PITPNC1: variants seen among roughly 807,000 people sequenced by gnomAD.
The protein encoded by PITPNC1 is cytoplasmic phosphatidylinositol transfer protein 1.
In PITPNC1, 18 loss-of-function variants were observed where a neutral mutation model predicts 44.7. The observed-to-expected ratio is 0.40, with a 90% CI of 0.28 to 0.60. The LOEUF (loss-of-function observed/expected upper bound fraction) is 0.60. PITPNC1 is among the 20% of genes least tolerant of loss of function. The pLI is 0.39. For missense variants in PITPNC1, 290 were observed against 418.4 expected, an observed-to-expected ratio of 0.69 and a Z score of 2.68; for synonymous variants, 141 against 149.6, an observed-to-expected ratio of 0.94 and a Z score of 0.42.
rs1317011555 is a variant in PITPNC1, at chr17:67,495,077, G to C, written c.49-37725G>C. Among the ~76,000 whole-genome samples, 81 of 33,810 alleles carry C rather than the reference G, an allele frequency of 2.4e-3. 2 individuals carry two copies. The highest frequency in any genetic ancestry group is 7.5e-3 in the African/African-American group (76 of 10,186). 22.2% of individuals were successfully genotyped at this position (33,810 alleles called of 152,430 possible). ...GTTTTTTTTTTTTTTTTTTTTTTGA[G>C]ACGGAGTCTGGCTCTGTCGCCCAGG... On this transcript the variant is annotated intron_variant, in intron 1 of 8. Transcript: ENST00000581322.
intron 5 of PITPNC1, among the ~76,000 whole-genome samples, chr17:67,603,966 T>C (rs2041575953): frequency 6.6e-6 from 1 of 151,002 alleles, no homozygotes. Context: ...AAACTGTACA[T>C]GGAGTCAGCT....
At chr17:67,652,311 T>G (rs11657492) in intron 6 of PITPNC1, among the ~76,000 whole-genome samples, 15,787 of 152,164 alleles carry the variant, frequency 0.1, 871 homozygotes, top group Middle Eastern at 0.17. Flanking sequence ...GGGAGACTGA[T>G]TCTATCCAAA....
At chr17:67,669,875 C>T (rs369486049) in intron 7 of PITPNC1, among the ~76,000 whole-genome samples, 6 of 151,992 alleles carry the variant, frequency 3.9e-5, no homozygotes, top group Non-Finnish European at 5.9e-5. Flanking sequence ...AGTTCAAGAC[C>T]GGCCTGGCCA....
intron 1 of PITPNC1, among the ~76,000 whole-genome samples, chr17:67,475,990 G>T (rs2144016996): frequency 6.6e-6 from 1 of 152,188 alleles, no homozygotes; most frequent in Middle Eastern, 3.4e-3. Flanking sequence ...TGTGGAATTT[G>T]ATATTGAGGG....
In PITPNC1 at chr17:67,380,029, T is replaced by C. The variant is rs567954407; in HGVS notation, c.48+1827T>C. ...GTGGGGTAATTACATTTGAATGATA[T>C]AGGTGGAGGCCCTTCCTTCCTTCCT... On this transcript the variant is annotated intron_variant, in intron 1 of 8. Transcript: ENST00000581322. 4.8e-4 allele frequency among the ~76,000 whole-genome samples: 73 copies of C among 152,118 alleles called. No homozygotes were observed. In the South Asian group the frequency reaches 8.7e-3, roughly 18 times the overall value.
intron 1 of PITPNC1, among the ~76,000 whole-genome samples, chr17:67,484,110 G>T (rs2039742368): frequency 6.6e-6 from 1 of 151,956 alleles, no homozygotes; most frequent in Admixed American, 6.6e-5. Flanking sequence ...TAGAGACGGG[G>T]TTTCTCCATG....
intron 1 of PITPNC1, chr17:67,379,412 C>T (rs2037924308): frequency 2.0e-6 from 2 of 978,832 alleles, no homozygotes; most frequent in Admixed American, 6.2e-5. Flanking sequence ...AAGTACAATC[C>T]AAGACAAGAT....
chr17:67,513,478 T>TGC (rs71923148), intron 1 of PITPNC1, among the ~76,000 whole-genome samples: 4 of 48,856 alleles, frequency 8.2e-5, no homozygotes, highest in Non-Finnish European at 1.1e-4. Flanking sequence ...TTTTACTATA[T>TGC]GTGTGTGTGT....
At chr17:67,469,807 G>A (rs772165504) in intron 1 of PITPNC1, among the ~76,000 whole-genome samples, 1 of 152,114 alleles carries the variant, frequency 6.6e-6, no homozygotes, top group African/African-American at 2.4e-5. Context: ...AAATTCAAGT[G>A]CCATAGCTAT....
chr17:67,555,007 T>C (rs952030075), intron 4 of PITPNC1, among the ~76,000 whole-genome samples: 11 of 152,240 alleles, frequency 7.2e-5, no homozygotes, highest in African/African-American at 2.7e-4. Flanking sequence ...TACTCGGATA[T>C]TAAAATATCT....
At chr17:67,405,612 T>TC (rs1353318980) in intron 1 of PITPNC1, among the ~76,000 whole-genome samples, 2 of 150,544 alleles carry the variant, frequency 1.3e-5, no homozygotes, top group East Asian at 1.9e-4. Context: ...TTTCTTTCTT[T>TC]TTTTTTTTTT....
intron 1 of PITPNC1, among the ~76,000 whole-genome samples, chr17:67,468,678 C>T (rs1231372996): frequency 2.0e-5 from 3 of 150,654 alleles, no homozygotes; most frequent in Non-Finnish European, 3.0e-5. Flanking sequence ...GCTGGGATTA[C>T]AGGTGTGAAC....
At chr17:67,462,698 ATTTTTTTTTTT>A (rs34015766) in intron 1 of PITPNC1, among the ~76,000 whole-genome samples, 1 of 122,340 alleles carries the variant, frequency 8.2e-6, no homozygotes, top group Non-Finnish European at 1.7e-5. Flanking sequence ...CACAATTGGA[ATTTTTTTTTTT>A]TTTTTTTTTT....
intron 1 of PITPNC1, among the ~76,000 whole-genome samples, chr17:67,495,048 T>TTTG (rs1568013493): frequency 1.1e-4 from 7 of 62,778 alleles, no homozygotes; most frequent in African/African-American, 4.6e-4. Flanking sequence ...TTGTTTTTTT[T>TTTG]TTTGTTTTTT....
rs1001892935 is a variant in PITPNC1 at position 67,487,032 on chromosome 17, A to G, written c.49-45770A>G. ...TGGGCAACAGAGCAAGACTCTGTCT[A>G]AAAAAAAAAGAGTACTGTGGAATTC... On this transcript the variant is annotated intron_variant, in intron 1 of 8. Transcript: ENST00000581322. Among the ~76,000 whole-genome samples the G allele has an allele frequency of 2.7e-5, 4 of 148,068 alleles. No individual in the cohort carries two copies. The East Asian group carries it at 5.9e-4, about 22-fold the overall frequency.
chr17:67,393,820 G>A (rs998406634), intron 1 of PITPNC1, among the ~76,000 whole-genome samples: 4 of 152,154 alleles, frequency 2.6e-5, no homozygotes, highest in African/African-American at 9.7e-5. Flanking sequence ...TTCTGAGTAA[G>A]GAAGACCAGT....
intron 1 of PITPNC1, among the ~76,000 whole-genome samples, chr17:67,422,149 G>T (rs922460122): frequency 6.6e-6 from 1 of 152,138 alleles, no homozygotes; most frequent in Non-Finnish European, 1.5e-5. Context: ...GCCAACATAC[G>T]CTTCCAATGA....
intron 1 of PITPNC1, among the ~76,000 whole-genome samples, chr17:67,513,784 G>C (rs191901204): frequency 3.2e-4 from 48 of 152,244 alleles, no homozygotes; most frequent in Admixed American, 2.8e-3. Context: ...TCATTTAACT[G>C]TGAAGCTCTT....
chr17:67,605,919 G>A (rs934167814), intron 5 of PITPNC1, among the ~76,000 whole-genome samples: 3 of 152,218 alleles, frequency 2.0e-5, no homozygotes, highest in African/African-American at 7.2e-5. Context: ...TCAGTTTGCA[G>A]ATGAGGGAAC....
Sources: allele counts gnomAD v4.1 joint callset (sites outside exome capture counted in the v4.1 genomes callset), GRCh38; gene constraint gnomAD v4.1.1; transcripts MANE v1.5; gene names NCBI Gene and HGNC (gene_info 2026-07-23, HGNC 2026-07-21).